CRPPA: variants seen among roughly 807,000 people sequenced by gnomAD.
CRPPA encodes the protein CDP-L-ribitol pyrophosphorylase A.
A neutral mutation model predicts 52.0 loss-of-function variants in CRPPA; 43 were observed. That is an observed-to-expected ratio of 0.83 (90% CI 0.65 to 1.07). CRPPA has a LOEUF of 1.07. Ranked by LOEUF, CRPPA falls within the 50% of genes least tolerant of loss-of-function variation. The probability of loss-of-function intolerance (pLI) is 0.00; values close to 1 mark genes in which losing one functional copy is unlikely to be tolerated. For synonymous variants in CRPPA, 250 were observed against 203.5 expected, an observed-to-expected ratio of 1.23 and a Z score of -1.94; for missense variants, 629 against 551.7, an observed-to-expected ratio of 1.14 and a Z score of -1.40.
Position 16,363,198 on chromosome 7 carries a change from A to G in CRPPA, c.684+12894T>C, listed in dbSNP as rs146475191. 5.2e-3 allele frequency among the ~76,000 whole-genome samples: 786 copies of G among 152,334 alleles called. 6 individuals are homozygous for G. Among genetic ancestry groups the G allele is most frequent in the African/African-American group, 0.017 (714 of 41,596 alleles). ...AATGAGGAGCTCTATTGGAATTTCA[A>G]TAATGAGATATGACTATATCTTAAA... On this transcript the variant is annotated intron_variant, in intron 3 of 9. Coordinates refer to ENST00000407010, the MANE Select transcript of CRPPA (RefSeq NM_001101426.4).
At chr7:16,095,904 C>T (rs1377661161) in intron 9 of CRPPA, among the ~76,000 whole-genome samples, 1 of 152,136 alleles carries the variant, frequency 6.6e-6, no homozygotes, top group Non-Finnish European at 1.5e-5. Flanking sequence ...CGAGGCCTAG[C>T]AGAGAATAAC....
chr7:16,143,861 A>C (rs938351589), intron 9 of CRPPA, among the ~76,000 whole-genome samples: 4 of 152,180 alleles, frequency 2.6e-5, no homozygotes, highest in African/African-American at 9.7e-5. Context: ...GTCACAACAA[A>C]AACAACAACA....
At chr7:16,234,015 T>C (rs191493164) in intron 8 of CRPPA, among the ~76,000 whole-genome samples, 2 of 152,268 alleles carry the variant, frequency 1.3e-5, no homozygotes, top group East Asian at 3.9e-4. Context: ...GCCAGTTTAC[T>C]ATATAATCCA....
intron 2 of CRPPA, among the ~76,000 whole-genome samples, chr7:16,402,419 T>C (rs987016621): frequency 5.9e-5 from 9 of 152,162 alleles, no homozygotes; most frequent in African/African-American, 2.2e-4. Context: ...GAAATCCTGA[T>C]GATAAAGTCT....
Position 16,118,696 on chromosome 7 carries a change from G to C in CRPPA, c.1252-26897C>G, listed in dbSNP as rs115201306. On this transcript the variant is annotated intron_variant, in intron 9 of 9. Coordinates refer to ENST00000407010, the MANE Select transcript of CRPPA (RefSeq NM_001101426.4). The stretch of plus-strand genomic sequence containing the variant: ...GACTGTTAGCTGTGACGTCTGCAGT[G>C]TCTGAGGATGACTGGAAACAAAGTT... Among the ~76,000 whole-genome samples the C allele has an allele frequency of 6.9e-3, 1,045 of 152,288 alleles. 13 individuals are homozygous for C. Among genetic ancestry groups the C allele is most frequent in the African/African-American group, 0.024 (1,000 of 41,556 alleles).
chr7:16,358,869 C>A (rs956201139), intron 3 of CRPPA, among the ~76,000 whole-genome samples: 1 of 152,158 alleles, frequency 6.6e-6, no homozygotes, highest in Non-Finnish European at 1.5e-5. Flanking sequence ...AGCTCCCAAA[C>A]TGAAACATCA....
intron 9 of CRPPA, among the ~76,000 whole-genome samples, chr7:16,116,267 C>T (rs1399883527): frequency 6.6e-6 from 1 of 152,014 alleles, no homozygotes. Flanking sequence ...GGTATTCTTG[C>T]CTAAATGCAT....
intron 9 of CRPPA, among the ~76,000 whole-genome samples, chr7:16,139,131 A>C (rs998035903): frequency 5.9e-5 from 9 of 152,132 alleles, no homozygotes; most frequent in Non-Finnish European, 1.0e-4. Flanking sequence ...CTCACTTCAA[A>C]TGAGAGAGCC....
chr7:16,232,352 C>T (rs575627752), intron 8 of CRPPA, among the ~76,000 whole-genome samples: 1 of 152,212 alleles, frequency 6.6e-6, no homozygotes, highest in South Asian at 2.1e-4. Flanking sequence ...ATGCCTTTAT[C>T]ATGGGAATGG....
At chr7:16,141,930 T>C (rs1348959730) in intron 9 of CRPPA, among the ~76,000 whole-genome samples, 2 of 152,082 alleles carry the variant, frequency 1.3e-5, no homozygotes, top group African/African-American at 2.4e-5. Context: ...CTGTCATAGA[T>C]GGCCCACCCT....
chr7:16,296,923 T>C (rs970338113), intron 5 of CRPPA, among the ~76,000 whole-genome samples: 1 of 152,206 alleles, frequency 6.6e-6, no homozygotes, highest in African/African-American at 2.4e-5. Flanking sequence ...TATAGGATTA[T>C]TCTTCATCAC....
chr7:16,110,148 T>A (rs1190611963), intron 9 of CRPPA, among the ~76,000 whole-genome samples: 1 of 151,930 alleles, frequency 6.6e-6, no homozygotes, highest in African/African-American at 2.4e-5. Context: ...GCAACAAACC[T>A]GTGAAAAGGA....
chr7:16,372,604 C>A (rs1786776637), intron 3 of CRPPA, among the ~76,000 whole-genome samples: 1 of 152,062 alleles, frequency 6.6e-6, no homozygotes, highest in Non-Finnish European at 1.5e-5. Context: ...TCCACATAAA[C>A]CTCACAGGGT....
chr7:16,355,333 T>C (rs1039296422), intron 3 of CRPPA, among the ~76,000 whole-genome samples: 4 of 152,322 alleles, frequency 2.6e-5, no homozygotes, highest in African/African-American at 9.6e-5. Flanking sequence ...AGCAACTGTT[T>C]CTTCTCCATC....
chr7:16,302,598 T>C (rs934714767), intron 4 of CRPPA, among the ~76,000 whole-genome samples: 1 of 152,092 alleles, frequency 6.6e-6, no homozygotes, highest in African/African-American at 2.4e-5. Context: ...CTTTGAGAAA[T>C]TCCTACCATA....
chr7:16,183,046 C>A (rs969207796), intron 9 of CRPPA, among the ~76,000 whole-genome samples: 9 of 152,092 alleles, frequency 5.9e-5, no homozygotes, highest in Non-Finnish European at 1.5e-5. Flanking sequence ...ACAATCAGAG[C>A]ACCAGTTTCT....
At chr7:16,382,135 G>T (rs1407167581) in intron 2 of CRPPA, among the ~76,000 whole-genome samples, 1 of 152,096 alleles carries the variant, frequency 6.6e-6, no homozygotes, top group Admixed American at 6.5e-5. Context: ...GGTACCGGTT[G>T]TTCCTTTCCA....
At chr7:16,163,629 GGTTT>G (rs1780972935) in intron 9 of CRPPA, among the ~76,000 whole-genome samples, 1 of 152,094 alleles carries the variant, frequency 6.6e-6, no homozygotes, top group Non-Finnish European at 1.5e-5. Context: ...TTTACATTTT[GGTTT>G]GTTTGTGCAG....
chr7:16,336,091 G>T (rs1785672404), intron 3 of CRPPA, among the ~76,000 whole-genome samples: 1 of 152,068 alleles, frequency 6.6e-6, no homozygotes, highest in African/African-American at 2.4e-5. Flanking sequence ...GTTGCTAATA[G>T]GCCTGCTTCA....
Sources: gnomAD v4.1 joint callset for allele counts (sites outside exome capture counted in the v4.1 genomes callset) on GRCh38, gnomAD v4.1.1 for gene constraint, MANE v1.5 for transcripts, NCBI Gene and HGNC (gene_info 2026-07-23, HGNC 2026-07-21) for gene names.